Variants in SYNE2 observed in about 807,000 individuals in gnomAD.
The protein encoded by SYNE2 is spectrin repeat containing nuclear envelope protein 2.
In SYNE2, 431 loss-of-function variants were observed where a neutral mutation model predicts 856.3. That is an observed-to-expected ratio of 0.50 (90% CI 0.47 to 0.55). The LOEUF (loss-of-function observed/expected upper bound fraction) is 0.55. Ranked by LOEUF, SYNE2 falls within the 20% of genes least tolerant of loss-of-function variation. SYNE2 has a pLI of 0.00. For synonymous variants in SYNE2, 2,923 were observed against 2,872.3 expected (o/e 1.02, Z -0.56); for missense variants, 8,129 against 8,023.2 (o/e 1.01, Z -0.50).
At chr14:63,762,435 C>CAAAAAA (rs71120281) in intron 1 of SYNE2, among the ~76,000 whole-genome samples, 5 of 64,162 alleles carry the variant, frequency 7.8e-5, no homozygotes, top group African/African-American at 2.6e-4. Context: ...AACTCCATCT[C>CAAAAAA]AAAAAAAAAA....
chr14:63,843,036 A>T (rs1890120774), intron 1 of SYNE2, among the ~76,000 whole-genome samples: 1 of 150,494 alleles, frequency 6.6e-6, no homozygotes, highest in South Asian at 2.1e-4. Context: ...TGTTAATTTA[A>T]TTTTTTTTTG....
At chr14:63,872,617 G>C (rs377052192) in intron 1 of SYNE2, among the ~76,000 whole-genome samples, 5 of 151,720 alleles carry the variant, frequency 3.3e-5, no homozygotes, top group Admixed American at 6.6e-5. Flanking sequence ...TTAGCCGCAC[G>C]TGGTGGTGGT....
intron 54 of SYNE2, among the ~76,000 whole-genome samples, chr14:64,076,688 C>T (rs2097462629): frequency 6.7e-6 from 1 of 149,506 alleles, no homozygotes; most frequent in African/African-American, 2.5e-5. Context: ...TGTAGAAAGA[C>T]AGCCCATATC....
chr14:63,876,583 G>A (rs1262929915), intron 1 of SYNE2, among the ~76,000 whole-genome samples: 4 of 151,838 alleles, frequency 2.6e-5, no homozygotes, highest in Admixed American at 2.6e-4. Context: ...CGCCTCCCAG[G>A]TTCATGCCAT....
At chr14:64,120,171 T>C (rs1414097425) in intron 67 of SYNE2, among the ~76,000 whole-genome samples, 1 of 152,248 alleles carries the variant, frequency 6.6e-6, no homozygotes, top group Non-Finnish European at 1.5e-5. Context: ...GAGTGGTTCC[T>C]ACTTAGAGAT....
intron 1 of SYNE2, among the ~76,000 whole-genome samples, chr14:63,870,211 C>T (rs1233718156): frequency 1.3e-5 from 2 of 152,148 alleles, no homozygotes; most frequent in Non-Finnish European, 2.9e-5. Context: ...TTTCTTCAGC[C>T]CACAATCTAC....
At chr14:63,989,830 A>C (rs2096653657) in intron 19 of SYNE2, among the ~76,000 whole-genome samples, 1 of 151,602 alleles carries the variant, frequency 6.6e-6, no homozygotes, top group African/African-American at 2.4e-5. Flanking sequence ...TTGTATTTTT[A>C]GTAGAGATGG....
chr14:63,765,342 C>T (rs191315197), intron 1 of SYNE2, among the ~76,000 whole-genome samples: 22 of 152,138 alleles, frequency 1.4e-4, no homozygotes, highest in Non-Finnish European at 2.4e-4. Context: ...TACTCATATG[C>T]GATAGACTTG....
chr14:63,958,108 A>C (rs1335347787), intron 8 of SYNE2, among the ~76,000 whole-genome samples: 1 of 152,228 alleles, frequency 6.6e-6, no homozygotes, highest in Non-Finnish European at 1.5e-5. Context: ...AATTGAGAAG[A>C]TAGTGCAGTA....
At chr14:64,039,873 G>C (rs778092038) in intron 45 of SYNE2, among the ~76,000 whole-genome samples, 1 of 152,126 alleles carries the variant, frequency 6.6e-6, no homozygotes, top group Non-Finnish European at 1.5e-5. Context: ...GAATAGACAC[G>C]GGCCCTTGAA....
intron 99 of SYNE2, among the ~76,000 whole-genome samples, chr14:64,192,518 G>A (rs1168474707): frequency 6.6e-6 from 1 of 152,032 alleles, no homozygotes; most frequent in Non-Finnish European, 1.5e-5. Context: ...TAAAACAGTG[G>A]GTAAAATTTT....
In SYNE2 at chr14:64,140,206, T is replaced by C. The variant is rs539711659; in HGVS notation, c.14976+133T>C. ...GTAAGACTTGGGCGAATGGCAGCTG[T>C]GTTCTTCAAACCTAGAACTGTTTAT... On this transcript the variant is annotated intron_variant, in intron 80 of 115. Coordinates refer to ENST00000555002, the MANE Select transcript of SYNE2 (RefSeq NM_182914.3). The C allele has an allele frequency of 1.2e-5, 10 of 832,442 alleles. 1 individual carries two copies. Among genetic ancestry groups the C allele is most frequent in the South Asian group, 8.5e-5 (6 of 70,220 alleles). 51.6% of individuals were successfully genotyped at this position (832,442 alleles called of 1,614,324 possible). A position where few individuals can be genotyped will look rare whatever the true frequency, so the allele number is the denominator to read the frequency against.
chr14:64,199,836 A>C (rs2098554543), intron 99 of SYNE2, among the ~76,000 whole-genome samples: 1 of 152,216 alleles, frequency 6.6e-6, no homozygotes, highest in African/African-American at 2.4e-5. Flanking sequence ...TATAATTTTA[A>C]AGCATACACA....
intron 2 of SYNE2, among the ~76,000 whole-genome samples, chr14:63,928,671 T>C (rs1204568802): frequency 6.6e-6 from 1 of 152,208 alleles, no homozygotes; most frequent in Non-Finnish European, 1.5e-5. Context: ...ATTTGTTTCT[T>C]TATTTATTTC....
At chr14:63,933,100 A>G (rs1023211534) in intron 2 of SYNE2, among the ~76,000 whole-genome samples, 1 of 152,186 alleles carries the variant, frequency 6.6e-6, no homozygotes, top group African/African-American at 2.4e-5. Context: ...TAATCCAATC[A>G]TAGGAGGAGA....
chr14:64,119,386 A>G, intron 66 of SYNE2, 41 bp from the exon 67 acceptor site: 25 of 1,611,950 alleles, frequency 1.6e-5, no homozygotes, highest in Non-Finnish European at 2.0e-5. Context: ...ATACTTCTTC[A>G]AGAACAACAT....
At chr14:63,861,577 GC>G (rs1893735529) in intron 1 of SYNE2, among the ~76,000 whole-genome samples, 1 of 151,726 alleles carries the variant, frequency 6.6e-6, no homozygotes, top group Admixed American at 6.6e-5. Flanking sequence ...GATCACATGA[GC>G]CCAGGAGTTT....
chr14:63,841,832 C>CTTTTTTTTTT (rs34947861), intron 1 of SYNE2, among the ~76,000 whole-genome samples: 41 of 115,038 alleles, frequency 3.6e-4, no homozygotes, highest in East Asian at 5.0e-4. Context: ...TTCTTTCTTT[C>CTTTTTTTTTT]TTTTTTTTTT....
chr14:64,225,654 C>A lies in SYNE2; in HGVS notation c.*128C>A, dbSNP rs1325583507. ...GGGACCTGTGCAGACTTCTTCTGGG[C>A]TTACCCAGCACGGGCTCCCTGGAGC... On this transcript the variant is annotated 3_prime_UTR_variant, in exon 116 of 116. Transcript: ENST00000555002. 1 of 1,066,434 alleles carries A rather than the reference C, an allele frequency of 9.4e-7. No individual in the cohort carries two copies. Among genetic ancestry groups the A allele is most frequent in the African/African-American group, 1.6e-5 (1 of 63,740 alleles). 66.1% of individuals were successfully genotyped at this position (1,066,434 alleles called of 1,614,324 possible). A position where few individuals can be genotyped will look rare whatever the true frequency, so the allele number is the denominator to read the frequency against.
Sources: gnomAD v4.1 joint callset for allele counts (sites outside exome capture counted in the v4.1 genomes callset) on GRCh38, gnomAD v4.1.1 for gene constraint, MANE v1.5 for transcripts, NCBI Gene and HGNC (gene_info 2026-07-23, HGNC 2026-07-21) for gene names.